Variants in PRR16 observed in about 807,000 individuals in gnomAD.
The protein encoded by PRR16 is proline rich 16.
In PRR16, 6 loss-of-function variants were observed where a neutral mutation model predicts 18.2. That is an observed-to-expected ratio of 0.33 (90% CI 0.18 to 0.65). The LOEUF is 0.65. Among genes scored for constraint, PRR16 ranks in the 30% least tolerant of loss-of-function variants. The pLI is 0.74. For missense variants in PRR16, 412 were observed against 376.6 expected (o/e 1.09, Z -0.78); for synonymous variants, 151 against 147.8 (o/e 1.02, Z -0.16).
intron 1 of PRR16, among the ~76,000 whole-genome samples, chr5:120,523,061 C>T (rs781400916): frequency 2.6e-5 from 4 of 152,158 alleles, no homozygotes; most frequent in African/African-American, 4.8e-5. Flanking sequence ...GAATCATAGA[C>T]ATGTATCCCA....
the PRR16 span, among the ~76,000 whole-genome samples, chr5:120,735,056 C>G: frequency 3.9e-5 from 6 of 152,168 alleles, no homozygotes. Context: ...CACCATGCTA[C>G]TTTCTGTTTC....
chr5:120,489,752 G>A (rs2112824266), intron 1 of PRR16, among the ~76,000 whole-genome samples: 1 of 152,204 alleles, frequency 6.6e-6, no homozygotes, highest in African/African-American at 2.4e-5. Flanking sequence ...TAGCCTCGAT[G>A]GTCTTTACAA....
At chr5:120,667,999 T>G (rs2150143885) in intron 1 of PRR16, among the ~76,000 whole-genome samples, 1 of 152,278 alleles carries the variant, frequency 6.6e-6, no homozygotes, top group South Asian at 2.1e-4. Context: ...GTTCAATTCC[T>G]GGGTATCCTT....
At chr5:120,790,740 T>C in the PRR16 span, 1 of 152,126 alleles carries the variant, frequency 6.6e-6, no homozygotes, top group Non-Finnish European at 1.5e-5. Flanking sequence ...TGTGCTGTTA[T>C]TTGCACAGAT....
chr5:120,790,665 C>G, the PRR16 span: 4 of 152,242 alleles, frequency 2.6e-5, no homozygotes, highest in East Asian at 7.7e-4. Flanking sequence ...GAAGTCAGTT[C>G]TTACTGATTA....
chr5:120,721,990 A>C, the PRR16 span, among the ~76,000 whole-genome samples: 1 of 152,032 alleles, frequency 6.6e-6, no homozygotes, highest in South Asian at 2.1e-4. Flanking sequence ...TGTCATCTAC[A>C]TGAGGTATTT....
intron 1 of PRR16, among the ~76,000 whole-genome samples, chr5:120,670,344 T>C (rs1224450295): frequency 2.0e-5 from 3 of 152,078 alleles, no homozygotes; most frequent in African/African-American, 4.8e-5. Context: ...GAAGTCTTTC[T>C]GGGATTTGGC....
the PRR16 span, among the ~76,000 whole-genome samples, chr5:120,716,155 A>C: frequency 3.0e-4 from 46 of 152,274 alleles, no homozygotes; most frequent in East Asian, 6.4e-3. Flanking sequence ...CATCTTTGCT[A>C]CAGTTACTCA....
chr5:120,747,131 A>C, the PRR16 span, among the ~76,000 whole-genome samples: 1 of 152,164 alleles, frequency 6.6e-6, no homozygotes, highest in Non-Finnish European at 1.5e-5. Context: ...AAAAGCATTC[A>C]AAGTTAATTG....
At position 120,686,878 on chromosome 5, in the gene PRR16, G is replaced by A; in HGVS notation, c.*169G>A. The A allele has an allele frequency of 2.3e-6, 1 of 439,766 alleles. No homozygotes were observed. Among genetic ancestry groups the A allele is most frequent in the Non-Finnish European group, 3.8e-6 (1 of 260,600 alleles). 27.2% of individuals were successfully genotyped at this position (439,766 alleles called of 1,614,324 possible). A position where few individuals can be genotyped will look rare whatever the true frequency, so the allele number is the denominator to read the frequency against. The stretch of plus-strand genomic sequence containing the variant: ...TATGCAGCACATTGCTTATATCCTG[G>A]GTATGCATTATTTTAAATGTTGTAT... On this transcript the variant is annotated 3_prime_UTR_variant, in exon 2 of 2. Coordinates refer to ENST00000407149, the MANE Select transcript of PRR16 (RefSeq NM_001300783.2).
At chr5:120,793,564 A>G in the PRR16 span, among the ~76,000 whole-genome samples, 1 of 152,170 alleles carries the variant, frequency 6.6e-6, no homozygotes, top group Non-Finnish European at 1.5e-5. Context: ...AGTAGTGCAG[A>G]GAAGACTGGT....
At chr5:120,474,980 G>T (rs1749393475) in intron 1 of PRR16, among the ~76,000 whole-genome samples, 1 of 152,150 alleles carries the variant, frequency 6.6e-6, no homozygotes, top group South Asian at 2.1e-4. Context: ...AGACAGAAGA[G>T]AATTTAGAAT....
At chr5:120,608,230 T>C (rs994227515) in intron 1 of PRR16, among the ~76,000 whole-genome samples, 1 of 152,174 alleles carries the variant, frequency 6.6e-6, no homozygotes, top group Non-Finnish European at 1.5e-5. Flanking sequence ...AATTTTGCCT[T>C]CCCTGCATAA....
intron 1 of PRR16, among the ~76,000 whole-genome samples, chr5:120,544,509 T>G (rs1752014227): frequency 6.6e-6 from 1 of 152,166 alleles, no homozygotes; most frequent in Admixed American, 6.6e-5. Flanking sequence ...TGTATGTGTA[T>G]GCATGTGTGT....
the PRR16 span, among the ~76,000 whole-genome samples, chr5:120,728,733 T>C: frequency 6.6e-6 from 1 of 152,148 alleles, no homozygotes; most frequent in Admixed American, 6.6e-5. Flanking sequence ...TAACCTGCAG[T>C]CCAGGCACTC....
At chr5:120,532,732 G>A (rs1423878647) in intron 1 of PRR16, among the ~76,000 whole-genome samples, 1 of 151,532 alleles carries the variant, frequency 6.6e-6, no homozygotes, top group Non-Finnish European at 1.5e-5. Flanking sequence ...GGATTTTATT[G>A]GAAATTTTTT....
chr5:120,550,858 C>T (rs186890538), intron 1 of PRR16, among the ~76,000 whole-genome samples: 1 of 152,124 alleles, frequency 6.6e-6, no homozygotes, highest in East Asian at 1.9e-4. Context: ...TTTCATTCCT[C>T]TTTACCAGCT....
chr5:120,513,641 C>A (rs1399891201), intron 1 of PRR16, among the ~76,000 whole-genome samples: 1 of 152,046 alleles, frequency 6.6e-6, no homozygotes, highest in Non-Finnish European at 1.5e-5. Flanking sequence ...TCTATTACAT[C>A]TCTGTGTTTT....
At chr5:120,673,796 C>CA (rs923995619) in intron 1 of PRR16, among the ~76,000 whole-genome samples, 4 of 150,348 alleles carry the variant, frequency 2.7e-5, no homozygotes, top group Middle Eastern at 3.4e-3. Flanking sequence ...AAATAAAAAA[C>CA]AAAAAAAAAT....
Sources: allele counts gnomAD v4.1 joint callset (sites outside exome capture counted in the v4.1 genomes callset), GRCh38; gene constraint gnomAD v4.1.1; transcripts MANE v1.5; gene names NCBI Gene and HGNC (gene_info 2026-07-23, HGNC 2026-07-21).